Variants in ASAH2 observed in about 807,000 individuals in gnomAD.
The protein encoded by ASAH2 is neutral ceramidase.
A neutral mutation model predicts 82.9 loss-of-function variants in ASAH2; 58 were observed. That is an observed-to-expected ratio of 0.70 (90% CI 0.57 to 0.87). The LOEUF (loss-of-function observed/expected upper bound fraction) is 0.87. Among genes scored for constraint, ASAH2 ranks in the 40% least tolerant of loss-of-function variants. The pLI, the probability that ASAH2 is intolerant of heterozygous loss-of-function variation, is 0.00. For synonymous variants in ASAH2, 276 were observed against 289.7 expected, an observed-to-expected ratio of 0.95 and a Z score of 0.48; for missense variants, 779 against 834.0, an observed-to-expected ratio of 0.93 and a Z score of 0.81.
intron 12 of ASAH2, among the ~76,000 whole-genome samples, 163 bp downstream of exon 12, chr10:50,210,660 G>C (rs1296152582): frequency 6.6e-6 from 1 of 152,176 alleles, no homozygotes; most frequent in Non-Finnish European, 1.5e-5. Context: ...GCTTAGGTCT[G>C]GGGGCAGCGG....
intron 5 of ASAH2, among the ~76,000 whole-genome samples, chr10:50,235,277 G>C (rs2133225857): frequency 6.6e-6 from 1 of 152,162 alleles, no homozygotes; most frequent in South Asian, 2.1e-4. Flanking sequence ...AGAAAAAATA[G>C]AGAATAAGCC....
At chr10:50,193,370 A>G (rs1268507911) in intron 18 of ASAH2, among the ~76,000 whole-genome samples, 3 of 150,900 alleles carry the variant, frequency 2.0e-5, no homozygotes, top group Non-Finnish European at 3.0e-5. Flanking sequence ...GTGTCCACAA[A>G]AGCCAAACAG....
intron 10 of ASAH2, among the ~76,000 whole-genome samples, chr10:50,212,182 AACAC>A (rs3837301): frequency 4.6e-4 from 67 of 146,996 alleles, no homozygotes; most frequent in African/African-American, 8.5e-4. Flanking sequence ...AAACTATTTA[AACAC>A]ACACACACAC....
At chr10:50,211,288 T>C (rs1449324467) in intron 10 of ASAH2, among the ~76,000 whole-genome samples, 154 bp from the exon 11 acceptor site, 1 of 152,192 alleles carries the variant, frequency 6.6e-6, no homozygotes, top group Admixed American at 6.5e-5. Context: ...ACCAACCACA[T>C]GGGTCTCTCT....
In ASAH2 at chr10:50,218,576, A is replaced by G; in HGVS notation, c.948T>C (p.Ser316=). ...GGTAAGATGCATAGCCCACATTGTCACTGTTTACAAGATGGTTACTGTTGT... is the reference window on the plus strand; with the variant it reads ...GGTAAGATGCATAGCCCACATTGTCGCTGTTTACAAGATGGTTACTGTTGT... The part of the protein sequence containing the change: ...SMNNSNHLVN[S]DNVGYASYLL... The change falls in exon 8 of 21, where the codon AGT becomes AGC. Residue 316 remains serine (S), a synonymous_variant. Coordinates refer to ENST00000682911, the MANE Select transcript of ASAH2 (RefSeq NM_019893.4). The G allele has an allele frequency of 6.2e-7, 1 of 1,613,762 alleles. No homozygotes were observed. The highest frequency in any genetic ancestry group is 2.2e-5 in the East Asian group (1 of 44,860).
chr10:50,217,589 T>C (rs1193882715), intron 8 of ASAH2, among the ~76,000 whole-genome samples: 3 of 152,162 alleles, frequency 2.0e-5, no homozygotes, highest in African/African-American at 2.4e-5. Flanking sequence ...TTTATTTTAT[T>C]GGTAATAGCA....
intron 7 of ASAH2, among the ~76,000 whole-genome samples, 185 bp downstream of exon 7, chr10:50,232,999 T>C (rs1846056712): frequency 6.6e-6 from 1 of 152,104 alleles, no homozygotes; most frequent in Non-Finnish European, 1.5e-5. Context: ...AACTAAGCCC[T>C]GAGAGACTGA....
chr10:50,205,938 A>T, intron 13 of ASAH2, 44 bp downstream of exon 13: 1 of 1,428,664 alleles, frequency 7.0e-7, no homozygotes. Context: ...CATATTTAAA[A>T]ATAACAATAT....
chr10:50,236,205 C>A (rs893638237), intron 4 of ASAH2, 141 bp from the exon 5 acceptor site: 15 of 757,630 alleles, frequency 2.0e-5, no homozygotes, highest in Non-Finnish European at 3.4e-5. Flanking sequence ...TAAAGACATA[C>A]CTAAGACTGA....
At chr10:50,204,542 C>T (rs2133202012) in intron 14 of ASAH2, among the ~76,000 whole-genome samples, 1 of 152,076 alleles carries the variant, frequency 6.6e-6, no homozygotes, top group Middle Eastern at 3.4e-3. Context: ...AATACCTAAT[C>T]TGATTATTTC....
intron 4 of ASAH2, 43 bp downstream of exon 4, chr10:50,243,159 A>T: frequency 6.2e-7 from 1 of 1,607,940 alleles, no homozygotes; most frequent in Non-Finnish European, 8.5e-7. Flanking sequence ...TTTTCCTTAA[A>T]CCATATCATT....
At chr10:50,199,866 C>T (rs1266341420) in intron 16 of ASAH2, among the ~76,000 whole-genome samples, 1 of 151,676 alleles carries the variant, frequency 6.6e-6, no homozygotes, top group Non-Finnish European at 1.5e-5. Context: ...CTTACTTTCT[C>T]CTAAGGTACA....
At chr10:50,206,537 T>TAC (rs544968746) in intron 12 of ASAH2, among the ~76,000 whole-genome samples, 19,018 of 130,654 alleles carry the variant, frequency 0.15, 1,437 homozygotes, top group East Asian at 0.32. Flanking sequence ...TTTAGTTATC[T>TAC]ACACACACAC....
At chr10:50,214,699 T>C in intron 9 of ASAH2, 44 bp downstream of exon 9, 6 of 1,608,674 alleles carry the variant, frequency 3.7e-6, no homozygotes, top group Non-Finnish European at 5.1e-6. Context: ...ATAAAATGTA[T>C]TTGAGATGCA....
Position 50,243,368 on chromosome 10 carries a change from A to C in ASAH2, c.361-17T>G. 1.2e-6 allele frequency: 2 copies of C among 1,613,526 alleles called. No individual in the cohort carries two copies. The highest frequency in any genetic ancestry group is 8.5e-7 in the Non-Finnish European group (1 of 1,179,608). On this transcript the variant is annotated splice_polypyrimidine_tract_variant and intron_variant, in intron 3 of 20. Coordinates refer to ENST00000682911, the MANE Select transcript of ASAH2 (RefSeq NM_019893.4). ...ATAGCCCATCTAAAGAGGAAGAGAC[A>C]ATCAGAGCTGCTCTGTCTCATTCCC... is the stretch of plus-strand genomic sequence containing the variant.
intron 4 of ASAH2, among the ~76,000 whole-genome samples, chr10:50,240,741 G>T (rs1008151550): frequency 2.6e-5 from 4 of 152,052 alleles, no homozygotes; most frequent in African/African-American, 9.7e-5. Flanking sequence ...AGATTTCTCT[G>T]CCTTCCCATC....
intron 7 of ASAH2, among the ~76,000 whole-genome samples, chr10:50,231,625 C>T (rs1274216500): frequency 5.3e-5 from 8 of 152,116 alleles, no homozygotes; most frequent in Non-Finnish European, 1.2e-4. Flanking sequence ...CAGTTACATG[C>T]CTGACATTTA....
At chr10:50,206,579 A>ACACAC (rs1845305023) in intron 12 of ASAH2, among the ~76,000 whole-genome samples, 9 of 48,830 alleles carry the variant, frequency 1.8e-4, no homozygotes, top group Non-Finnish European at 5.4e-4. Flanking sequence ...CACACACACA[A>ACACAC]AGCAGTAAAA....
At chr10:50,227,261 C>G (rs1359320866) in intron 7 of ASAH2, among the ~76,000 whole-genome samples, 1 of 152,076 alleles carries the variant, frequency 6.6e-6, no homozygotes, top group Non-Finnish European at 1.5e-5. Context: ...GCCACATTAA[C>G]AGACTATGTA....
Sources: gnomAD v4.1 joint callset for allele counts (sites outside exome capture counted in the v4.1 genomes callset) on GRCh38, gnomAD v4.1.1 for gene constraint, MANE v1.5 for transcripts, NCBI Gene and HGNC (gene_info 2026-07-23, HGNC 2026-07-21) for gene names.